KBTBD2: variants seen among roughly 807,000 people sequenced by gnomAD.
The protein encoded by KBTBD2 is kelch repeat and BTB domain containing 2, also known as kelch repeat and BTB domain-containing protein 2.
In KBTBD2, 17 loss-of-function variants were observed where a neutral mutation model predicts 57.1. That is an observed-to-expected ratio of 0.30 (90% CI 0.20 to 0.45). The LOEUF (loss-of-function observed/expected upper bound fraction) is 0.45. Among genes scored for constraint, KBTBD2 ranks in the 20% least tolerant of loss-of-function variants. The pLI is 1.00. For synonymous variants in KBTBD2, 267 were observed against 262.7 expected, an observed-to-expected ratio of 1.02 and a Z score of -0.16; for missense variants, 515 against 750.6, an observed-to-expected ratio of 0.69 and a Z score of 3.67.
chr7:32,870,674 G>C lies in KBTBD2; in HGVS notation c.543C>G (p.Leu181=). Residue 181 remains leucine, a synonymous_variant, in exon 4 of 4, where the codon CTC becomes CTG. Transcript: ENST00000304056. ...QLSHDLLIDI[L]SSDNLNVEKE... The stretch of plus-strand genomic sequence containing the variant: ...TTTCTACATTTAAATTGTCACTACT[G>C]AGAATATCTATCAGTAGGTCATGTG... 1 of 1,614,110 alleles carries C rather than the reference G, an allele frequency of 6.2e-7. No individual in the cohort carries two copies. The highest frequency in any genetic ancestry group is 8.5e-7 in the Non-Finnish European group (1 of 1,180,000).
chr7:32,891,560 G>A lies in KBTBD2; in HGVS notation c.-363C>T, dbSNP rs866921139. Reference sequence around the variant, plus strand: ...CCCGCGTCCCTCGGTCCGGAGGTGTGGGATCCGCTCCAGCCGGTGGCCCCG... The same window carrying A: ...CCCGCGTCCCTCGGTCCGGAGGTGTAGGATCCGCTCCAGCCGGTGGCCCCG... On this transcript the variant is annotated 5_prime_UTR_variant, in exon 1 of 4. Coordinates refer to ENST00000304056, the MANE Select transcript of KBTBD2 (RefSeq NM_015483.3). 2.0e-5 allele frequency: 3 copies of A among 150,748 alleles called. No individual in the cohort carries two copies. The highest frequency in any genetic ancestry group is 4.9e-5 in the African/African-American group (2 of 41,178). The allele number at this position is 150,748 out of a possible 1,614,324, so 9.3% of individuals were successfully genotyped here. A position where few individuals can be genotyped will look rare whatever the true frequency, so the allele number is the denominator to read the frequency against.
chr7:32,871,228 G>GA (rs916783261), intron 3 of KBTBD2, among the ~76,000 whole-genome samples: 11 of 152,140 alleles, frequency 7.2e-5, no homozygotes, highest in East Asian at 1.9e-4. Context: ...AGAACTATAT[G>GA]AAAAAATGTA....
chr7:32,872,396 T>C (rs868602080), intron 3 of KBTBD2, among the ~76,000 whole-genome samples: 5 of 152,004 alleles, frequency 3.3e-5, no homozygotes, highest in Non-Finnish European at 7.4e-5. Flanking sequence ...GGAGTAAAGG[T>C]TGGCCAGGTG....
chr7:32,879,590 G>C lies in KBTBD2; in HGVS notation c.15C>G (p.Asp5Glu). 1 of 1,612,866 alleles carries C rather than the reference G, an allele frequency of 6.2e-7. No homozygotes were observed. The highest frequency in any genetic ancestry group is 8.5e-7 in the Non-Finnish European group (1 of 1,179,420). Residue 5 changes from aspartate to glutamate, a missense_variant, in exon 2 of 4, where the codon GAC (aspartate) becomes GAG (glutamate). Asp to Glu is a conservative substitution (Grantham distance 45). Coordinates refer to ENST00000304056, the MANE Select transcript of KBTBD2 (RefSeq NM_015483.3). MSTQ[D>E]ERQINTEYAV... ...CATATTCAGTATTGATCTGCCTCTC[G>C]TCTTGAGTGGACATGACTGTATTCC...
intron 1 of KBTBD2, among the ~76,000 whole-genome samples, chr7:32,889,285 C>T (rs111319100): frequency 2.0e-5 from 3 of 149,346 alleles, no homozygotes; most frequent in Non-Finnish European, 4.4e-5. Flanking sequence ...AGCGAGACTC[C>T]GTCTCTTAAA....
In KBTBD2 at chr7:32,870,222, GT is replaced by G; in HGVS notation, c.994del (p.Thr332GlnfsTer16). 6.2e-7 allele frequency: 1 copy of G among 1,614,102 alleles called. No homozygotes were observed. The highest frequency in any genetic ancestry group is 8.5e-7 in the Non-Finnish European group (1 of 1,179,996). ...GGQVPLKNTKTNHSKTSKLQT... is the reference protein window; with the variant it reads ...GGQVPLKNTKXNHSKTSKLQT... Reference sequence around the variant, plus strand: ...AAGTTTGCTTGTTTTACTGTGATTTGTTTTTGTGTTTTTCAGAGGAACTTGA... The same window carrying G: ...AAGTTTGCTTGTTTTACTGTGATTTGTTTTGTGTTTTTCAGAGGAACTTGA... On this transcript the variant is annotated frameshift_variant, in exon 4 of 4. Transcript: ENST00000304056. LOFTEE classifies it high-confidence loss of function.
At chr7:32,885,909 C>T (rs1024282529) in intron 1 of KBTBD2, among the ~76,000 whole-genome samples, 49 of 141,612 alleles carry the variant, frequency 3.5e-4, no homozygotes, top group African/African-American at 1.2e-3. Context: ...TGTCTACACA[C>T]TTTTTTTTTT....
intron 1 of KBTBD2, among the ~76,000 whole-genome samples, chr7:32,883,218 A>T (rs1784486362): frequency 6.6e-6 from 1 of 152,072 alleles, no homozygotes; most frequent in Admixed American, 6.5e-5. Context: ...TCTCTACTAA[A>T]AATACAAAAA....
At chr7:32,885,785 T>TC (rs1784564689) in intron 1 of KBTBD2, among the ~76,000 whole-genome samples, 1 of 152,218 alleles carries the variant, frequency 6.6e-6, no homozygotes, top group African/African-American at 2.4e-5. Context: ...ATATTCTTAC[T>TC]CCTTCTTTTA....
intron 2 of KBTBD2, among the ~76,000 whole-genome samples, chr7:32,878,823 T>C (rs899842688): frequency 6.6e-6 from 1 of 152,132 alleles, no homozygotes; most frequent in Non-Finnish European, 1.5e-5. Flanking sequence ...CAAAAGATCA[T>C]AAAAATGTAA....
chr7:32,872,226 A>C (rs887411887), intron 3 of KBTBD2, among the ~76,000 whole-genome samples: 2 of 152,094 alleles, frequency 1.3e-5, no homozygotes, highest in Non-Finnish European at 2.9e-5. Context: ...CTAAAAATAA[A>C]AAGTAATGAC....
At chr7:32,889,893 T>C (rs1236047606) in intron 1 of KBTBD2, among the ~76,000 whole-genome samples, 1 of 152,242 alleles carries the variant, frequency 6.6e-6, no homozygotes, top group Non-Finnish European at 1.5e-5. Flanking sequence ...GAATTCACCT[T>C]GCACATTCAA....
At chr7:32,872,284 G>T (rs1030088735) in intron 3 of KBTBD2, among the ~76,000 whole-genome samples, 2 of 152,078 alleles carry the variant, frequency 1.3e-5, no homozygotes, top group African/African-American at 4.8e-5. Flanking sequence ...CATTTCTCCC[G>T]TTCAAGTTTG....
intron 1 of KBTBD2, among the ~76,000 whole-genome samples, chr7:32,883,331 G>T (rs373310359): frequency 6.6e-5 from 10 of 152,288 alleles, no homozygotes; most frequent in African/African-American, 2.2e-4. Flanking sequence ...AGGTTGCAGT[G>T]AACTGAGATC....
At chr7:32,886,982 G>A (rs1562538407) in intron 1 of KBTBD2, among the ~76,000 whole-genome samples, 1 of 150,244 alleles carries the variant, frequency 6.7e-6, no homozygotes, top group Non-Finnish European at 1.5e-5. Context: ...AATGAGGGGG[G>A]ATAGATGTCT....
At chr7:32,874,086 G>T (rs1323852765) in intron 3 of KBTBD2, among the ~76,000 whole-genome samples, 3 of 151,998 alleles carry the variant, frequency 2.0e-5, no homozygotes. Flanking sequence ...AACACAGTGA[G>T]ATCGTGTCTC....
rs1337555820 is a variant in KBTBD2 at position 32,868,823 on chromosome 7, C to G, written c.*522G>C. ...CAGTCATAGCTTTCCCTGTGTAATA[C>G]CATAAAATTATGGAAGATCTTCCTC... On this transcript the variant is annotated 3_prime_UTR_variant, in exon 4 of 4. Transcript: ENST00000304056. 6.5e-6 allele frequency: 1 copy of G among 154,132 alleles called. No individual in the cohort carries two copies. The highest frequency in any genetic ancestry group is 1.4e-5 in the Non-Finnish European group (1 of 69,054). The allele number at this position is 154,132 out of a possible 1,614,324, so 9.5% of individuals were successfully genotyped here. A position where few individuals can be genotyped will look rare whatever the true frequency, so the allele number is the denominator to read the frequency against.
Position 32,879,597 on chromosome 7 carries a change from G to C in KBTBD2, c.8C>G (p.Thr3Ser). Residue 3 changes from threonine to serine, a missense_variant, in exon 2 of 4, where the codon ACT becomes AGT. By Grantham distance (58) the Thr-to-Ser change is moderately conservative. Transcript: ENST00000304056. MSTQDERQINTEY... is the reference protein window; with the variant it reads MSSQDERQINTEY... ...AGTATTGATCTGCCTCTCGTCTTGA[G>C]TGGACATGACTGTATTCCATTAATA... The C allele has an allele frequency of 6.2e-7, 1 of 1,612,716 alleles. No homozygotes were observed. The highest frequency in any genetic ancestry group is 8.5e-7 in the Non-Finnish European group (1 of 1,179,298).
At chr7:32,889,627 A>G (rs1237663301) in intron 1 of KBTBD2, among the ~76,000 whole-genome samples, 1 of 152,184 alleles carries the variant, frequency 6.6e-6, no homozygotes, top group Non-Finnish European at 1.5e-5. Context: ...TCAACCTGTC[A>G]TTTCTAATAC....
Sources: allele counts gnomAD v4.1 joint callset (sites outside exome capture counted in the v4.1 genomes callset), GRCh38; gene constraint gnomAD v4.1.1; transcripts MANE v1.5; gene names NCBI Gene and HGNC (gene_info 2026-07-23, HGNC 2026-07-21).